The following WWP2 variants were observed in gnomAD, a reference collection of about 807,000 sequenced individuals.
WWP2 encodes the protein NEDD4-like E3 ubiquitin-protein ligase WWP2.
In WWP2, 57 loss-of-function variants were observed where a neutral mutation model predicts 121.0. That is an observed-to-expected ratio of 0.47 (90% CI 0.38 to 0.59). The LOEUF (loss-of-function observed/expected upper bound fraction) is 0.59, where lower values mean the gene tolerates loss of function less well. Among genes scored for constraint, WWP2 ranks in the 20% least tolerant of loss-of-function variants. WWP2 has a pLI of 0.00. For synonymous variants in WWP2, 449 were observed against 441.3 expected, an observed-to-expected ratio of 1.02 and a Z score of -0.22; for missense variants, 962 against 1,158.9, an observed-to-expected ratio of 0.83 and a Z score of 2.47.
chr16:69,800,034 A>G (rs1262813168), intron 4 of WWP2, among the ~76,000 whole-genome samples: 1 of 142,358 alleles, frequency 7.0e-6, no homozygotes, highest in Non-Finnish European at 1.5e-5. Context: ...CTGAAAGTGG[A>G]TGTAGCTTAA....
intron 6 of WWP2, among the ~76,000 whole-genome samples, chr16:69,859,460 C>T (rs370121521): frequency 6.6e-6 from 1 of 151,914 alleles, no homozygotes; most frequent in African/African-American, 2.4e-5. Flanking sequence ...GAGGCTGAGG[C>T]GGGAGGATCG....
chr16:69,861,557 G>C (rs1352733994), intron 6 of WWP2, among the ~76,000 whole-genome samples: 1 of 151,978 alleles, frequency 6.6e-6, no homozygotes, highest in South Asian at 2.1e-4. Context: ...GAATGGAGCC[G>C]TAAATTGCGC....
intron 4 of WWP2, among the ~76,000 whole-genome samples, chr16:69,829,045 C>T (rs1391350583): frequency 1.3e-5 from 2 of 152,256 alleles, no homozygotes; most frequent in Admixed American, 6.5e-5. Context: ...TCATATAGAG[C>T]CTCTATTTGT....
At chr16:69,772,222 A>G (rs994200662) in intron 1 of WWP2, among the ~76,000 whole-genome samples, 11 of 151,980 alleles carry the variant, frequency 7.2e-5, no homozygotes, top group African/African-American at 2.2e-4. Context: ...CGGCCTCCCA[A>G]AGTGCTGGAC....
At chr16:69,828,126 A>G (rs1371949191) in intron 4 of WWP2, 1 of 345,408 alleles carries the variant, frequency 2.9e-6, no homozygotes, top group Non-Finnish European at 5.6e-6. Flanking sequence ...CCTATAGAGC[A>G]CTGGGACCCT....
intron 4 of WWP2, among the ~76,000 whole-genome samples, chr16:69,827,596 C>T (rs1322754809): frequency 6.6e-6 from 1 of 152,220 alleles, no homozygotes; most frequent in African/African-American, 2.4e-5. Context: ...AGGACTCCTA[C>T]ATTTTGCTCT....
At chr16:69,773,084 C>A (rs534783271) in intron 1 of WWP2, among the ~76,000 whole-genome samples, 252 of 152,124 alleles carry the variant, frequency 1.7e-3, no homozygotes, top group Middle Eastern at 0.014. Flanking sequence ...AAGAACTGGC[C>A]TCTGGGAAGA....
At chr16:69,857,687 G>T (rs563991139) in intron 6 of WWP2, among the ~76,000 whole-genome samples, 209 of 137,134 alleles carry the variant, frequency 1.5e-3, no homozygotes, top group African/African-American at 5.8e-3. Flanking sequence ...TTTGAGACAG[G>T]GTTTCGCTCT....
At chr16:69,929,800 A>C (rs1053075667) in intron 12 of WWP2, among the ~76,000 whole-genome samples, 3 of 152,114 alleles carry the variant, frequency 2.0e-5, no homozygotes, top group Non-Finnish European at 2.9e-5. Flanking sequence ...CTGGCTGCTG[A>C]TAATTGGATT....
chr16:69,884,924 T>C (rs1206419790), intron 7 of WWP2, among the ~76,000 whole-genome samples: 4 of 152,234 alleles, frequency 2.6e-5, no homozygotes, highest in Non-Finnish European at 5.9e-5. Context: ...ATTACTATTT[T>C]GCAGGCTTCA....
chr16:69,804,792 A>C (rs1482291058), intron 4 of WWP2, among the ~76,000 whole-genome samples: 1 of 152,100 alleles, frequency 6.6e-6, no homozygotes, highest in Non-Finnish European at 1.5e-5. Flanking sequence ...GAATTTTCAT[A>C]CTGAACTCCC....
intron 6 of WWP2, among the ~76,000 whole-genome samples, chr16:69,859,800 T>C (rs2057383115): frequency 6.6e-6 from 1 of 152,012 alleles, no homozygotes; most frequent in Admixed American, 6.6e-5. Flanking sequence ...TCCTGCCACC[T>C]GCTGGAGAAG....
At chr16:69,764,350 G>A (rs961751503) in intron 1 of WWP2, among the ~76,000 whole-genome samples, 3 of 152,130 alleles carry the variant, frequency 2.0e-5, no homozygotes, top group African/African-American at 4.8e-5. Context: ...ACAGGTGGGT[G>A]CCACCTCGCC....
intron 1 of WWP2, among the ~76,000 whole-genome samples, chr16:69,773,204 ACT>A (rs2055456340): frequency 6.7e-6 from 1 of 148,438 alleles, no homozygotes; most frequent in Admixed American, 6.7e-5. Context: ...TTTTGAGATG[ACT>A]CTCATGCTGT....
intron 13 of WWP2, 73 bp downstream of exon 13, chr16:69,930,331 GCCCA>G: frequency 6.3e-6 from 10 of 1,582,466 alleles, no homozygotes; most frequent in Non-Finnish European, 7.7e-6. Context: ...GCTCTGGGAG[GCCCA>G]CTTTGGGTGG....
chr16:69,896,485 T>A (rs2058106173), intron 8 of WWP2, among the ~76,000 whole-genome samples: 1 of 152,170 alleles, frequency 6.6e-6, no homozygotes, highest in Non-Finnish European at 1.5e-5. Context: ...GTGTTCCCTG[T>A]ACCCAGCATA....
chr16:69,829,402 T>C (rs1316264981), intron 4 of WWP2, among the ~76,000 whole-genome samples: 1 of 152,200 alleles, frequency 6.6e-6, no homozygotes, highest in Non-Finnish European at 1.5e-5. Flanking sequence ...TAACACAGCA[T>C]GTCACAAGGC....
At chr16:69,891,254 A>C (rs2151942198) in intron 8 of WWP2, among the ~76,000 whole-genome samples, 1 of 152,248 alleles carries the variant, frequency 6.6e-6, no homozygotes, top group African/African-American at 2.4e-5. Flanking sequence ...AGTTTAGGAG[A>C]TCCAGGCAAG....
intron 7 of WWP2, among the ~76,000 whole-genome samples, chr16:69,876,235 G>A (rs978938842): frequency 6.6e-6 from 1 of 152,112 alleles, no homozygotes; most frequent in African/African-American, 2.4e-5. Flanking sequence ...TGGGATTGTA[G>A]GCTTAAGCCT....
Sources: gnomAD v4.1 joint callset for allele counts (sites outside exome capture counted in the v4.1 genomes callset) on GRCh38, gnomAD v4.1.1 for gene constraint, MANE v1.5 for transcripts, NCBI Gene and HGNC (gene_info 2026-07-23, HGNC 2026-07-21) for gene names.